Variants in FAT3 observed in about 807,000 individuals in gnomAD.
FAT3 encodes the protein FAT atypical cadherin 3, also known as protocadherin Fat 3.
In FAT3, 95 loss-of-function variants were observed where a neutral mutation model predicts 310.2. That is an observed-to-expected ratio of 0.31 (90% CI 0.26 to 0.36). FAT3 has a LOEUF of 0.36. Ranked by LOEUF, FAT3 falls within the 10% of genes least tolerant of loss-of-function variation. The probability of loss-of-function intolerance (pLI) is 1.00; values close to 1 mark genes in which losing one functional copy is unlikely to be tolerated. For synonymous variants in FAT3, 2,314 were observed against 2,192.9 expected, an observed-to-expected ratio of 1.06 and a Z score of -1.54; for missense variants, 5,408 against 5,715.6, an observed-to-expected ratio of 0.95 and a Z score of 1.74.
intron 3 of FAT3, among the ~76,000 whole-genome samples, chr11:92,630,134 C>G (rs2135699557): frequency 6.6e-6 from 1 of 152,204 alleles, no homozygotes; most frequent in South Asian, 2.1e-4. Flanking sequence ...TCGCATGGCC[C>G]TCCCTACCTG....
At position 92,375,209 on chromosome 11, in the gene FAT3, C is replaced by T. The variant is rs541531975; in HGVS notation, c.3292+19805C>T. ...AGTGCAGTTGTGGGGTCATAGCTTA[C>T]AGCAGCCTCCAACTCCTGGGCTCAA... On this transcript the variant is annotated intron_variant, in intron 2 of 27. Coordinates refer to ENST00000525166, the MANE Select transcript of FAT3 (RefSeq NM_001367949.2). Among the ~76,000 whole-genome samples, 26 of 152,202 alleles carry T rather than the reference C, an allele frequency of 1.7e-4. No homozygotes were observed. The South Asian group carries it at 5.4e-3, about 32-fold the overall frequency.
intron 4 of FAT3, among the ~76,000 whole-genome samples, chr11:92,731,779 T>A (rs1377701006): frequency 6.6e-6 from 1 of 152,154 alleles, no homozygotes; most frequent in African/African-American, 2.4e-5. Context: ...TATCCTCTCT[T>A]TATATCTCTA....
At chr11:92,300,223 A>G (rs1239900662) in intron 1 of FAT3, among the ~76,000 whole-genome samples, 1 of 152,124 alleles carries the variant, frequency 6.6e-6, no homozygotes, top group African/African-American at 2.4e-5. Context: ...GGCTCATTAT[A>G]TTTCCTGTGC....
chr11:92,835,938 G>A (rs999305904), intron 15 of FAT3, among the ~76,000 whole-genome samples: 1 of 152,110 alleles, frequency 6.6e-6, no homozygotes, highest in Admixed American at 6.5e-5. Flanking sequence ...CCATCCCTTG[G>A]CTGGCAGGTC....
chr11:92,712,674 A>G (rs551795320), intron 4 of FAT3, among the ~76,000 whole-genome samples: 38 of 152,350 alleles, frequency 2.5e-4, no homozygotes, highest in African/African-American at 8.2e-4. Context: ...CAACTTTACA[A>G]TTAGTTCTTA....
intron 13 of FAT3, among the ~76,000 whole-genome samples, chr11:92,817,615 G>A (rs986512182): frequency 6.6e-6 from 1 of 152,202 alleles, no homozygotes; most frequent in Admixed American, 6.5e-5. Flanking sequence ...CTCTCAGAGG[G>A]AAGATACTGG....
chr11:92,285,268 C>T (rs1264520203), intron 1 of FAT3, among the ~76,000 whole-genome samples: 3 of 107,480 alleles, frequency 2.8e-5, no homozygotes, highest in Non-Finnish European at 5.7e-5. Flanking sequence ...AAGATTACAA[C>T]TTCTAAAAAC....
At chr11:92,259,229 CAGAA>C (rs1200000273) in intron 1 of FAT3, among the ~76,000 whole-genome samples, 2 of 151,910 alleles carry the variant, frequency 1.3e-5, no homozygotes, top group Admixed American at 1.3e-4. Context: ...AAGCAGTTCT[CAGAA>C]AGTAAGAAAA....
chr11:92,735,119 G>C (rs1441573618), intron 4 of FAT3, among the ~76,000 whole-genome samples: 1 of 146,112 alleles, frequency 6.8e-6, no homozygotes, highest in Admixed American at 6.8e-5. Flanking sequence ...TGTCATGTCT[G>C]ACTTAGGGCA....
Position 92,352,664 on chromosome 11 carries a change from C to A in FAT3, c.552C>A (p.Asp184Glu). 2 of 1,613,774 alleles carry A rather than the reference C, an allele frequency of 1.2e-6. No homozygotes were observed. The highest frequency in any genetic ancestry group is 1.7e-6 in the Non-Finnish European group (2 of 1,179,838). Residue 184 changes from aspartate (D) to glutamate (E), a missense_variant, in exon 2 of 28, where the codon GAC (aspartate) becomes GAA (glutamate). Physicochemically the swap from Asp to Glu is conservative, Grantham distance 45. Coordinates refer to ENST00000525166, the MANE Select transcript of FAT3 (RefSeq NM_001367949.2). The stretch of plus-strand genomic sequence containing the variant: ...GTGTTGCCCAGGTGACTGCAACAGA[C>A]GCAGATATTGGTTCCAATGGAGAAT... ...RTSVAQVTAT[D>E]ADIGSNGEFY...
intron 22 of FAT3, among the ~76,000 whole-genome samples, chr11:92,872,306 T>C (rs1282326645): frequency 6.6e-6 from 1 of 152,242 alleles, no homozygotes; most frequent in Middle Eastern, 3.2e-3. Flanking sequence ...CATTGCTTTC[T>C]CTGTGACCAA....
chr11:92,644,110 G>A (rs1032677695), intron 3 of FAT3, among the ~76,000 whole-genome samples: 5 of 152,194 alleles, frequency 3.3e-5, no homozygotes, highest in Non-Finnish European at 2.9e-5. Context: ...CTCCAGGGCC[G>A]GGGGCCAAGG....
chr11:92,408,337 GT>G (rs1249495964), intron 2 of FAT3, among the ~76,000 whole-genome samples: 1 of 152,146 alleles, frequency 6.6e-6, no homozygotes, highest in African/African-American at 2.4e-5. Context: ...CAACATATGA[GT>G]TTGGCAGGGG....
intron 6 of FAT3, 96 bp downstream of exon 6, chr11:92,765,185 A>C (rs1946272270): frequency 1.9e-6 from 2 of 1,034,188 alleles, no homozygotes; most frequent in African/African-American, 1.6e-5. Context: ...AAAAACTAAC[A>C]ATTAGTGCCA....
chr11:92,626,460 G>T (rs539854102), intron 3 of FAT3, among the ~76,000 whole-genome samples: 1 of 151,054 alleles, frequency 6.6e-6, no homozygotes, highest in Non-Finnish European at 1.5e-5. Flanking sequence ...TGAAATTGGC[G>T]TAGCGTATCT....
intron 2 of FAT3, among the ~76,000 whole-genome samples, chr11:92,425,369 A>C (rs2075762724): frequency 6.6e-6 from 1 of 152,048 alleles, no homozygotes; most frequent in South Asian, 2.1e-4. Flanking sequence ...GTAGCAACAA[A>C]AAGCCACTTC....
At chr11:92,780,147 G>A in intron 7 of FAT3, among the ~76,000 whole-genome samples, 1 of 143,208 alleles carries the variant, frequency 7.0e-6, no homozygotes, top group African/African-American at 2.6e-5. Context: ...CTAAGTTTAT[G>A]GTAACTTTTT....
intron 1 of FAT3, among the ~76,000 whole-genome samples, chr11:92,331,271 G>C (rs536152006): frequency 6.7e-6 from 1 of 149,506 alleles, no homozygotes; most frequent in Non-Finnish European, 1.5e-5. Flanking sequence ...TGCATATAAG[G>C]TATGTTTTAT....
At position 92,761,898 on chromosome 11, in the gene FAT3, A is replaced by G; in HGVS notation, c.3712A>G (p.Ile1238Val). The G allele has an allele frequency of 6.2e-7, 1 of 1,613,976 alleles. No individual in the cohort carries two copies. Among genetic ancestry groups the G allele is most frequent in the South Asian group, 1.1e-5 (1 of 91,074 alleles). ...DGGPSPKQST[I>V]WVVVQVLDEN... ...TGGTCCCTCTCCAAAACAGTCAACC[A>G]TTTGGGTGGTGGTTCAGGTTCTAGA... The change falls in exon 5 of 28, where the codon ATT (isoleucine) becomes GTT (valine). Residue 1238 changes from isoleucine to valine, a missense_variant. By Grantham distance (29) the Ile-to-Val change is conservative. This residue lies in a region of FAT3 where 4,588 missense variants were observed against 4,809.8 expected (regional missense o/e 0.95). Transcript: ENST00000525166.
Sources: gnomAD v4.1 joint callset for allele counts (sites outside exome capture counted in the v4.1 genomes callset) on GRCh38, gnomAD v4.1.1 for gene constraint, gnomAD v4.1.1 regional missense constraint, MANE v1.5 for transcripts, NCBI Gene and HGNC (gene_info 2026-07-23, HGNC 2026-07-21) for gene names.